Variants in TRERF1 observed in about 807,000 individuals in gnomAD.
TRERF1 encodes transcriptional regulating factor 1, also known as transcriptional-regulating factor 1.
TRERF1 carries 27 observed loss-of-function variants against 122.9 expected under a neutral mutation model. The ratio of observed to expected loss-of-function variants is 0.22; its 90% CI spans 0.16 to 0.30. The LOEUF (loss-of-function observed/expected upper bound fraction) is 0.30, where lower values mean the gene tolerates loss of function less well. TRERF1 is among the 10% of genes least tolerant of loss of function. The pLI, the probability that TRERF1 is intolerant of heterozygous loss-of-function variation, is 1.00. For missense variants in TRERF1, 1,248 were observed against 1,560.3 expected, an observed-to-expected ratio of 0.80 and a Z score of 3.37; for synonymous variants, 636 against 641.7, an observed-to-expected ratio of 0.99 and a Z score of 0.13.
intron 4 of TRERF1, among the ~76,000 whole-genome samples, chr6:42,278,163 T>C (rs189934132): frequency 1.7e-4 from 26 of 152,270 alleles, no homozygotes; most frequent in Middle Eastern, 6.8e-3. Context: ...ACCTGACTTG[T>C]AGAGACAAAA....
intron 2 of TRERF1, among the ~76,000 whole-genome samples, chr6:42,383,917 T>A (rs763693339): frequency 1.3e-5 from 2 of 152,116 alleles, no homozygotes; most frequent in Admixed American, 6.5e-5. Flanking sequence ...CCAATTTTCA[T>A]CCATCAGATT....
intron 2 of TRERF1, among the ~76,000 whole-genome samples, chr6:42,432,536 C>T (rs1481923881): frequency 6.6e-6 from 1 of 152,058 alleles, no homozygotes. Context: ...GGAGCTTGTG[C>T]AAATATTAAA....
chr6:42,348,755 A>G, intron 3 of TRERF1, among the ~76,000 whole-genome samples: 1 of 152,228 alleles, frequency 6.6e-6, no homozygotes, highest in South Asian at 2.1e-4. Context: ...GTCTAATGGT[A>G]CACTGGTCAC....
chr6:42,297,956 A>C (rs910061604), intron 4 of TRERF1, among the ~76,000 whole-genome samples: 1 of 152,184 alleles, frequency 6.6e-6, no homozygotes, highest in Non-Finnish European at 1.5e-5. Context: ...TCTAAATAGC[A>C]AATTTAATAT....
chr6:42,284,497 G>A (rs1174606408), intron 4 of TRERF1, among the ~76,000 whole-genome samples: 2 of 152,192 alleles, frequency 1.3e-5, no homozygotes. Flanking sequence ...TCTCAGCTGA[G>A]GTAGAACAAG....
In TRERF1 at chr6:42,275,288, G is replaced by C. The variant is rs1582749109; in HGVS notation, c.-258-5440C>G. Among the ~76,000 whole-genome samples the C allele has an allele frequency of 6.6e-6, 1 of 152,212 alleles. No individual in the cohort carries two copies. The highest frequency in any genetic ancestry group is 1.5e-5 in the Non-Finnish European group (1 of 68,042). ...AATTTCTACTGGGTAATTTGTACCA[G>C]GAGCTTTTTCATTCATGAACTAATT... On this transcript the variant is annotated intron_variant, in intron 4 of 17. Transcript: ENST00000372922. The surrounding 1 kb of genome is among the most constrained non-coding windows in gnomAD (Gnocchi z 4.1).
At chr6:42,403,031 T>C (rs1562142272) in intron 2 of TRERF1, among the ~76,000 whole-genome samples, 1 of 152,012 alleles carries the variant, frequency 6.6e-6, no homozygotes, top group East Asian at 1.9e-4. Flanking sequence ...AGCTGGAGCC[T>C]AGTTAGGACA....
intron 3 of TRERF1, among the ~76,000 whole-genome samples, chr6:42,328,174 AT>A (rs892725584): frequency 5.9e-5 from 9 of 151,624 alleles, no homozygotes; most frequent in Admixed American, 5.3e-4. Flanking sequence ...TGCCCAGCTA[AT>A]TTTTGTATTT....
intron 3 of TRERF1, among the ~76,000 whole-genome samples, chr6:42,337,747 G>A (rs1298965962): frequency 6.6e-6 from 1 of 152,192 alleles, no homozygotes; most frequent in African/African-American, 2.4e-5. Context: ...AAGGCATGGA[G>A]GTGGGAAAGC....
intron 2 of TRERF1, among the ~76,000 whole-genome samples, chr6:42,417,962 C>T (rs527684817): frequency 6.6e-6 from 1 of 152,172 alleles, no homozygotes; most frequent in African/African-American, 2.4e-5. Context: ...TGACAGAGAG[C>T]AGACTGGAAT....
At chr6:42,383,198 T>G (rs867594989) in intron 2 of TRERF1, among the ~76,000 whole-genome samples, 12 of 152,206 alleles carry the variant, frequency 7.9e-5, no homozygotes, top group Non-Finnish European at 5.9e-5. Context: ...TCCACTGCAC[T>G]CCAGCCTGGG....
intron 3 of TRERF1, among the ~76,000 whole-genome samples, chr6:42,343,527 G>A (rs1007219108): frequency 6.6e-6 from 1 of 152,190 alleles, no homozygotes; most frequent in Non-Finnish European, 1.5e-5. Context: ...TGTAGGGGGA[G>A]CCTGCTGACC....
At chr6:42,244,863 T>C (rs1412765136) in intron 14 of TRERF1, among the ~76,000 whole-genome samples, 3 of 152,202 alleles carry the variant, frequency 2.0e-5, no homozygotes, top group African/African-American at 7.2e-5. Context: ...ACAGAAACAT[T>C]CCTTTGTTTA....
intron 3 of TRERF1, among the ~76,000 whole-genome samples, chr6:42,301,475 G>A (rs940454085): frequency 2.0e-5 from 3 of 152,148 alleles, no homozygotes; most frequent in African/African-American, 4.8e-5. Context: ...TGATCTGCCC[G>A]CCTCGGCCTC....
In TRERF1 at chr6:42,275,430, C is replaced by T. The variant is rs996409129; in HGVS notation, c.-258-5582G>A. Reference sequence around the variant, plus strand: ...ACTCAGAACCTAAGGTGCCACTCCACGCTCCCACAGAGCCTGTGACCGCTT... The same window carrying T: ...ACTCAGAACCTAAGGTGCCACTCCATGCTCCCACAGAGCCTGTGACCGCTT... On this transcript the variant is annotated intron_variant, in intron 4 of 17. Transcript: ENST00000372922. This position sits in a 1 kb window ranked among gnomAD's most constrained non-coding sequence, Gnocchi z 4.1. 1.3e-5 allele frequency among the ~76,000 whole-genome samples: 2 copies of T among 152,204 alleles called. No individual in the cohort carries two copies. The highest frequency in any genetic ancestry group is 2.4e-5 in the African/African-American group (1 of 41,448).
chr6:42,419,625 T>C (rs141440922), intron 2 of TRERF1, among the ~76,000 whole-genome samples: 32 of 152,288 alleles, frequency 2.1e-4, no homozygotes, highest in African/African-American at 6.7e-4. Context: ...TCCAAGCTTA[T>C]GCAGCAACCA....
At chr6:42,316,492 C>A (rs890638847) in intron 3 of TRERF1, among the ~76,000 whole-genome samples, 2 of 152,186 alleles carry the variant, frequency 1.3e-5, no homozygotes, top group Admixed American at 6.5e-5. Context: ...CAGGCAGACA[C>A]CTTCATTAAT....
chr6:42,347,530 T>C lies in TRERF1; in HGVS notation c.-371+15467A>G, dbSNP rs149308732. ...TGCCAAGAACTGTACTGAGAGAATG[T>C]AGATAAGTAATGGAACAACTGCAAA... is the stretch of plus-strand genomic sequence containing the variant. On this transcript the variant is annotated intron_variant, in intron 3 of 17. Coordinates refer to ENST00000372922, the Ensembl canonical transcript of TRERF1. 2.0e-5 allele frequency among the ~76,000 whole-genome samples: 3 copies of C among 152,212 alleles called. 1 individual carries two copies. The East Asian group carries it at 5.8e-4, about 29-fold the overall frequency.
At chr6:42,288,850 G>C (rs1222604161) in intron 4 of TRERF1, among the ~76,000 whole-genome samples, 1 of 151,956 alleles carries the variant, frequency 6.6e-6, no homozygotes, top group East Asian at 1.9e-4. Context: ...GATGAAACTG[G>C]ACAGGGGGCA....
Sources: allele counts gnomAD v4.1 joint callset (sites outside exome capture counted in the v4.1 genomes callset), GRCh38; gene constraint gnomAD v4.1.1; non-coding constraint Gnocchi (gnomAD v3.1); transcripts MANE v1.5; gene names NCBI Gene and HGNC (gene_info 2026-07-23, HGNC 2026-07-21).